PGLYRP3: variants seen among roughly 807,000 people sequenced by gnomAD.
PGLYRP3 encodes peptidoglycan recognition protein I alpha.
Under a neutral mutation model 36.0 loss-of-function variants are expected in PGLYRP3, and 39 were observed. The ratio of observed to expected loss-of-function variants is 1.08; its 90% CI spans 0.84 to 1.41. The LOEUF (loss-of-function observed/expected upper bound fraction) is 1.41, where lower values mean the gene tolerates loss of function less well. Ranked by LOEUF, PGLYRP3 falls within the 40% of genes most tolerant of loss-of-function variation. PGLYRP3 has a pLI of 0.00. For missense variants in PGLYRP3, 407 were observed against 427.9 expected (o/e 0.95, Z 0.43); for synonymous variants, 204 against 172.8 (o/e 1.18, Z -1.42).
chr1:153,304,814 A>G, intron 4 of PGLYRP3, 133 bp downstream of exon 4: 1 of 660,356 alleles, frequency 1.5e-6, no homozygotes, highest in Non-Finnish European at 2.5e-6. Flanking sequence ...GGAGAAAAGA[A>G]TTTCAAGAGA....
chr1:153,302,353 T>C, intron 6 of PGLYRP3, 56 bp downstream of exon 6: 1 of 1,579,786 alleles, frequency 6.3e-7, no homozygotes, highest in Non-Finnish European at 8.7e-7. Flanking sequence ...TCCCACAGCC[T>C]TCCTTCCTAC....
At chr1:153,301,849 A>G (rs149257288) in intron 6 of PGLYRP3, among the ~76,000 whole-genome samples, 77 of 152,328 alleles carry the variant, frequency 5.1e-4, no homozygotes, top group African/African-American at 1.7e-3. Context: ...TTTATTACAG[A>G]CCTGGCATTA....
rs778573738 is a variant in PGLYRP3, at chr1:153,304,941, C to T, written c.376+6G>A. The T allele has an allele frequency of 4.3e-6, 7 of 1,610,384 alleles. No individual in the cohort carries two copies. In the East Asian group the frequency reaches 1.1e-4, roughly 26 times the overall value. On this transcript the variant is annotated splice_donor_region_variant and intron_variant, in intron 4 of 7. Coordinates refer to ENST00000683862, the MANE Select transcript of PGLYRP3 (RefSeq NM_052891.3). ...CAGCACAGGGTCCGCAGGGAGTGAC[C>T]CTTACCTATCTTATTGCCAAAGAAG... is the stretch of plus-strand genomic sequence containing the variant.
intron 1 of PGLYRP3, among the ~76,000 whole-genome samples, chr1:153,311,526 A>T (rs1416617787): frequency 6.6e-6 from 1 of 152,176 alleles, no homozygotes; most frequent in African/African-American, 2.4e-5. Flanking sequence ...GACGTTCTCA[A>T]TGTGGGCCCA....
At chr1:153,307,376 TG>T in intron 2 of PGLYRP3, 109 bp from the exon 3 acceptor site, 1 of 1,047,572 alleles carries the variant, frequency 9.5e-7, no homozygotes, top group African/African-American at 1.6e-5. Flanking sequence ...GCCCCATGCA[TG>T]GGAGACACCC....
Position 153,297,279 on chromosome 1 carries a change from T to C in PGLYRP3, c.*677A>G, listed in dbSNP as rs931548104. On this transcript the variant is annotated 3_prime_UTR_variant, in exon 8 of 8. Transcript: ENST00000683862. ...AGGACAGACATATCTATAAATCATA[T>C]CTATAAATAATTACAGCCCTTAAGT... is the stretch of plus-strand genomic sequence containing the variant. Among the ~76,000 whole-genome samples the C allele has an allele frequency of 6.6e-6, 1 of 151,450 alleles. No individual in the cohort carries two copies.
rs779268539 is a variant in PGLYRP3 at position 153,307,155 on chromosome 1, C to G, written c.168G>C (p.Gln56His). 3 of 1,612,336 alleles carry G rather than the reference C, an allele frequency of 1.9e-6. No homozygotes were observed. Among genetic ancestry groups the G allele is most frequent in the East Asian group, 2.2e-5 (1 of 44,814 alleles). Residue 56 changes from glutamine to histidine, a missense_variant, in exon 3 of 8, where the codon CAG becomes CAC. Gln to His is a conservative substitution (Grantham distance 24). Coordinates refer to ENST00000683862, the MANE Select transcript of PGLYRP3 (RefSeq NM_052891.3). ...YIITDQLPGM[Q>H]CQQQSVCSQM... is the part of the protein sequence containing the mutation. ...GGCTGCAAACGCTCTGCTGCTGGCA[C>G]TGCATCCCTGGGAGCTGGTCTGTGA... is the stretch of plus-strand genomic sequence containing the variant.
At chr1:153,304,877 G>C in intron 4 of PGLYRP3, 70 bp downstream of exon 4, 1 of 1,152,492 alleles carries the variant, frequency 8.7e-7, no homozygotes, top group African/African-American at 1.5e-5. Context: ...GATGAGTGTT[G>C]ACCCTTGGGA....
intron 2 of PGLYRP3, among the ~76,000 whole-genome samples, chr1:153,308,027 C>T (rs1354118991): frequency 4.0e-5 from 6 of 150,930 alleles, no homozygotes; most frequent in Non-Finnish European, 8.9e-5. Context: ...TGGAGTCTCG[C>T]GCTGTCACCC....
chr1:153,300,571 CAA>C (rs1659563024), intron 6 of PGLYRP3, among the ~76,000 whole-genome samples: 1 of 152,176 alleles, frequency 6.6e-6, no homozygotes, highest in Admixed American at 6.5e-5. Context: ...AGAACTAGCA[CAA>C]AGACTCTCTG....
chr1:153,310,746 C>A, intron 1 of PGLYRP3, 40 bp from the exon 2 acceptor site: 1 of 1,283,150 alleles, frequency 7.8e-7, no homozygotes, highest in Non-Finnish European at 1.1e-6. Flanking sequence ...CATGCTAACT[C>A]TGCAAGTGGA....
chr1:153,297,861 G>A lies in PGLYRP3; in HGVS notation c.*95C>T. On this transcript the variant is annotated 3_prime_UTR_variant, in exon 8 of 8. Coordinates refer to ENST00000683862, the MANE Select transcript of PGLYRP3 (RefSeq NM_052891.3). ...CCTGAGAAAGGATGGGCTGGCAGGG[G>A]AGGGGGACACAAGGTGCTGAGCCAC... 4 of 1,361,162 alleles carry A rather than the reference G, an allele frequency of 2.9e-6. No individual in the cohort carries two copies. The South Asian group carries it at 5.3e-5, about 18-fold the overall frequency. The allele number at this position is 1,361,162 out of a possible 1,614,324, so 84.3% of individuals were successfully genotyped here.
Position 153,297,728 on chromosome 1 carries a change from T to G in PGLYRP3, c.*228A>C, listed in dbSNP as rs1571096867. On this transcript the variant is annotated 3_prime_UTR_variant, in exon 8 of 8. Coordinates refer to ENST00000683862, the MANE Select transcript of PGLYRP3 (RefSeq NM_052891.3). ...GGTAAGTGCCCAGGGGAGAGGTAGG[T>G]AAAAGAGAGGGGAAGTCTAAACTCA... 1 of 471,274 alleles carries G rather than the reference T, an allele frequency of 2.1e-6. No individual in the cohort carries two copies. The allele number at this position is 471,274 out of a possible 1,614,324, so 29.2% of individuals were successfully genotyped here.
rs754856478 is a variant in PGLYRP3, at chr1:153,300,208, G to A, written c.729-977C>T. ...ATGCTCTGTCTGAACCCCGGGCCCT[G>A]GCAAATACTGTTCCTCCTCACCCAG... On this transcript the variant is annotated intron_variant, in intron 6 of 7. Coordinates refer to ENST00000683862, the MANE Select transcript of PGLYRP3 (RefSeq NM_052891.3). 3.3e-5 allele frequency among the ~76,000 whole-genome samples: 5 copies of A among 152,036 alleles called. No individual in the cohort carries two copies. The South Asian group carries it at 1.0e-3, about 32-fold the overall frequency.
chr1:153,307,630 C>T (rs1315008776), intron 2 of PGLYRP3, among the ~76,000 whole-genome samples: 1 of 152,186 alleles, frequency 6.6e-6, no homozygotes, highest in Non-Finnish European at 1.5e-5. Flanking sequence ...GCCTCCTTAG[C>T]CCAGAAGCCT....
intron 2 of PGLYRP3, 105 bp from the exon 3 acceptor site, chr1:153,307,372 T>C (rs1659771464): frequency 9.2e-7 from 1 of 1,087,236 alleles, no homozygotes; most frequent in Admixed American, 2.1e-5. Flanking sequence ...ACCTGCCCCA[T>C]GCATGGGAGA....
rs1659451721 is a variant in PGLYRP3, at chr1:153,297,401, C to T, written c.*555G>A. On this transcript the variant is annotated 3_prime_UTR_variant, in exon 8 of 8. Transcript: ENST00000683862. ...ATGGGTGAGGGATGAAGGGTGGGGGCTTCCAGGCAGAAAACAGGGAAGGCT... is the reference window on the plus strand; with the variant it reads ...ATGGGTGAGGGATGAAGGGTGGGGGTTTCCAGGCAGAAAACAGGGAAGGCT... 7.0e-6 allele frequency among the ~76,000 whole-genome samples: 1 copy of T among 143,136 alleles called. No homozygotes were observed. Among genetic ancestry groups the T allele is most frequent in the African/African-American group, 2.7e-5 (1 of 37,258 alleles). 93.9% of individuals were successfully genotyped at this position (143,136 alleles called of 152,430 possible).
At chr1:153,303,328 T>G (rs1418922278) in intron 5 of PGLYRP3, among the ~76,000 whole-genome samples, 2 of 152,216 alleles carry the variant, frequency 1.3e-5, no homozygotes. Context: ...CCATGGCTGG[T>G]TTTTGCATTT....
chr1:153,310,568 T>A, intron 2 of PGLYRP3, 43 bp downstream of exon 2: 2 of 1,592,300 alleles, frequency 1.3e-6, no homozygotes, highest in Non-Finnish European at 1.7e-6. Flanking sequence ...CGGTCTTCTC[T>A]TGCTCATCAA....
Sources: gnomAD v4.1 joint callset for allele counts (sites outside exome capture counted in the v4.1 genomes callset) on GRCh38, gnomAD v4.1.1 for gene constraint, MANE v1.5 for transcripts, NCBI Gene and HGNC (gene_info 2026-07-23, HGNC 2026-07-21) for gene names.